Variants in PCDHA10 observed in about 807,000 individuals in gnomAD.
PCDHA10 encodes protocadherin alpha 10.
In PCDHA10, 45 loss-of-function variants were observed where a neutral mutation model predicts 61.2. That is an observed-to-expected ratio of 0.74 (90% confidence interval 0.58 to 0.94). The LOEUF (loss-of-function observed/expected upper bound fraction) is 0.94, where lower values mean the gene tolerates loss of function less well. Ranked by LOEUF, PCDHA10 falls within the 40% of genes least tolerant of loss-of-function variation. PCDHA10 has a pLI of 0.00. For synonymous variants in PCDHA10, 602 were observed against 548.8 expected, an observed-to-expected ratio of 1.10 and a Z score of -1.35; for missense variants, 1,278 against 1,236.2, an observed-to-expected ratio of 1.03 and a Z score of -0.51.
chr5:140,924,531 G>A (rs1194516404), intron 1 of PCDHA10, among the ~76,000 whole-genome samples: 2 of 152,070 alleles, frequency 1.3e-5, no homozygotes, highest in African/African-American at 2.4e-5. Flanking sequence ...GAGAATGCCC[G>A]AGCTACCCCT....
rs1282110712 is a variant in PCDHA10, at chr5:140,926,177, A to G, written c.2389-52772A>G. Among the ~76,000 whole-genome samples the G allele has an allele frequency of 2.0e-5, 3 of 151,672 alleles. No individual in the cohort carries two copies. The South Asian group carries it at 6.6e-4, about 34-fold the overall frequency. On this transcript the variant is annotated intron_variant, in intron 1 of 3. Coordinates refer to ENST00000307360, the MANE Select transcript of PCDHA10 (RefSeq NM_018901.4). ...CTCTGCAGCAGGATCCAGCGCGGAA[A>G]GCCCCCCGCAGCACTTCTTTCGGGG...
chr5:140,871,118 G>T (rs1554165149), intron 1 of PCDHA10: 1 of 1,613,306 alleles, frequency 6.2e-7, no homozygotes, highest in African/African-American at 1.3e-5. Context: ...GTGGAGAGCG[G>T]ACAGGCGCCA....
intron 1 of PCDHA10, chr5:140,967,874 C>T: frequency 6.2e-7 from 1 of 1,614,132 alleles, no homozygotes; most frequent in Non-Finnish European, 8.5e-7. Context: ...GCTCACGGAC[C>T]TGTATAGCCC....
intron 1 of PCDHA10, among the ~76,000 whole-genome samples, chr5:140,902,675 C>G (rs1554190566): frequency 1.3e-5 from 2 of 152,154 alleles, no homozygotes; most frequent in Admixed American, 1.3e-4. Flanking sequence ...GCAGTGTACA[C>G]CGTACCTAAT....
rs1432987823 is a variant in PCDHA10, at chr5:140,905,869, AAGGCCCAACAAT to A, written c.2388+47439_2388+47450del. ...AAGGAGTATTAACTCACACAATCAC[AAGGCCCAACAAT>A]AGGCCATCTGCAAGCTGAGGAGCAA... On this transcript the variant is annotated intron_variant, in intron 1 of 3. Coordinates refer to ENST00000307360, the MANE Select transcript of PCDHA10 (RefSeq NM_018901.4). 1.1e-4 allele frequency among the ~76,000 whole-genome samples: 17 copies of A among 152,326 alleles called. No individual in the cohort carries two copies. In the South Asian group the frequency reaches 3.5e-3, roughly 32 times the overall value.
At chr5:140,973,398 C>G (rs2096585734) in intron 1 of PCDHA10, among the ~76,000 whole-genome samples, 1 of 152,230 alleles carries the variant, frequency 6.6e-6, no homozygotes, top group East Asian at 1.9e-4. Flanking sequence ...GAAATCATAT[C>G]TATGAGCTTC....
At chr5:140,931,779 T>G (rs1298337220) in intron 1 of PCDHA10, among the ~76,000 whole-genome samples, 1 of 152,006 alleles carries the variant, frequency 6.6e-6, no homozygotes, top group African/African-American at 2.4e-5. Context: ...CCTGTTCAAT[T>G]ACCTATTGAT....
At chr5:140,998,099 CAGA>C (rs2097796305) in intron 3 of PCDHA10, among the ~76,000 whole-genome samples, 1 of 152,130 alleles carries the variant, frequency 6.6e-6, no homozygotes, top group African/African-American at 2.4e-5. Context: ...CTAGAGCAAA[CAGA>C]GGAGAAAATT....
At chr5:140,969,304 C>CA in intron 1 of PCDHA10, 3 of 1,614,160 alleles carry the variant, frequency 1.9e-6, no homozygotes, top group Non-Finnish European at 2.5e-6. Flanking sequence ...TGATTATTCT[C>CA]AAAAATGAGG....
intron 1 of PCDHA10, among the ~76,000 whole-genome samples, chr5:140,917,330 A>AGGGGGGGGGGG (rs1425400137): frequency 9.7e-6 from 1 of 103,190 alleles, no homozygotes. Flanking sequence ...GTGGCGGGGG[A>AGGGGGGGGGGG]GGGGGGGGAT....
At position 141,010,202 on chromosome 5, in the gene PCDHA10, GC is replaced by G. The variant is rs1308553255; in HGVS notation, c.*267del. 6.4e-7 allele frequency: 1 copy of G among 1,551,944 alleles called. No individual in the cohort carries two copies. The highest frequency in any genetic ancestry group is 8.7e-7 in the Non-Finnish European group (1 of 1,147,050). The stretch of plus-strand genomic sequence containing the variant: ...CAGACCCAAGTTTCCTTTCTCCTCC[GC>G]CGCAAAGGAGAGGCTTCCCAGCCCC... On this transcript the variant is annotated 3_prime_UTR_variant, in exon 4 of 4. Transcript: ENST00000307360.
chr5:140,910,944 C>A (rs1177154353), intron 1 of PCDHA10, among the ~76,000 whole-genome samples: 1 of 152,146 alleles, frequency 6.6e-6, no homozygotes, highest in Non-Finnish European at 1.5e-5. Flanking sequence ...TCAAGCAGTT[C>A]TTTTCGAGTG....
chr5:140,939,054 G>C (rs1304220594), intron 1 of PCDHA10, among the ~76,000 whole-genome samples: 1 of 152,112 alleles, frequency 6.6e-6, no homozygotes, highest in East Asian at 1.9e-4. Flanking sequence ...GTCCATTTGG[G>C]CTGCTATATC....
intron 1 of PCDHA10, chr5:140,966,689 G>A (rs1002366053): frequency 2.2e-6 from 3 of 1,343,650 alleles, no homozygotes; most frequent in Non-Finnish European, 2.9e-6. Context: ...GAGCGGAGGC[G>A]GGGCCCGGGC....
chr5:141,010,225 C>T lies in PCDHA10; in HGVS notation c.*288C>T. The T allele has an allele frequency of 6.4e-7, 1 of 1,551,848 alleles. No homozygotes were observed. The highest frequency in any genetic ancestry group is 8.7e-7 in the Non-Finnish European group (1 of 1,147,026). The stretch of plus-strand genomic sequence containing the variant: ...CCGCCGCAAAGGAGAGGCTTCCCAG[C>T]CCCGCCAGTGAGAGGTTGGACTCTC... On this transcript the variant is annotated 3_prime_UTR_variant, in exon 4 of 4. Coordinates refer to ENST00000307360, the MANE Select transcript of PCDHA10 (RefSeq NM_018901.4).
Position 140,946,631 on chromosome 5 carries a change from T to TATATATATATATATATATATATACAC in PCDHA10, c.2389-32317_2389-32316insTATATATATATATATATATATACACA, listed in dbSNP as rs57893927. Among the ~76,000 whole-genome samples, 213 of 131,752 alleles carry TATATATATATATATATATATATACAC rather than the reference T, an allele frequency of 1.6e-3. 5 individuals carry two copies. The highest frequency in any genetic ancestry group is 6.6e-3 in the African/African-American group (188 of 28,632). The allele number at this position is 131,752 out of a possible 152,430, so 86.4% of individuals were successfully genotyped here. A position where few individuals can be genotyped will look rare whatever the true frequency, so the allele number is the denominator to read the frequency against. Reference sequence around the variant, plus strand: ...TGTGAAATATATATATATATATATATACAATGGAATACTCATCAGCCATTA... The same window carrying TATATATATATATATATATATATACAC: ...TGTGAAATATATATATATATATATATATATATATATATATATATATATACACACAATGGAATACTCATCAGCCATTA... On this transcript the variant is annotated intron_variant, in intron 1 of 3. Transcript: ENST00000307360.
chr5:140,974,221 T>A (rs75147433), intron 1 of PCDHA10, among the ~76,000 whole-genome samples: 1,739 of 152,246 alleles, frequency 0.011, 25 homozygotes, highest in Non-Finnish European at 0.017. Context: ...TAAAGAGAAA[T>A]CTTAGTTCCT....
At position 140,857,381 on chromosome 5, in the gene PCDHA10, G is replaced by A. The variant is rs1232678115; in HGVS notation, c.1333G>A (p.Ala445Thr). The A allele has an allele frequency of 6.3e-7, 1 of 1,598,364 alleles. No individual in the cohort carries two copies. Among genetic ancestry groups the A allele is most frequent in the Non-Finnish European group, 8.6e-7 (1 of 1,167,896 alleles). The part of the protein sequence containing the change: ...WATASVSVEV[A>T]DVNDNAPAFA... ...CACGGCCAGCGTGTCTGTGGAGGTG[G>A]CCGACGTGAACGACAACGCGCCTGC... Residue 445 changes from alanine to threonine, a missense_variant, in exon 1 of 4, where the codon GCC becomes ACC. Physicochemically the swap from Ala to Thr is moderately conservative, Grantham distance 58. Coordinates refer to ENST00000307360, the MANE Select transcript of PCDHA10 (RefSeq NM_018901.4).
intron 1 of PCDHA10, among the ~76,000 whole-genome samples, chr5:140,901,810 T>C (rs2068911855): frequency 6.6e-6 from 1 of 152,336 alleles, no homozygotes; most frequent in African/African-American, 2.4e-5. Flanking sequence ...ATTTTTACAA[T>C]ATTGATTCTT....
Sources: allele counts gnomAD v4.1 joint callset (sites outside exome capture counted in the v4.1 genomes callset), GRCh38; gene constraint gnomAD v4.1.1; transcripts MANE v1.5; gene names NCBI Gene and HGNC (gene_info 2026-07-23, HGNC 2026-07-21).